Variants in TRIM52 observed in about 807,000 individuals in gnomAD.
TRIM52 encodes the protein tripartite motif containing 52.
Under a neutral mutation model 27.0 loss-of-function variants are expected in TRIM52, and 24 were observed. The observed-to-expected ratio is 0.89, with a 90% CI of 0.64 to 1.25. The LOEUF (loss-of-function observed/expected upper bound fraction) is 1.25, where lower values mean the gene tolerates loss of function less well. TRIM52 is among the 50% of genes most tolerant of loss of function. TRIM52 has a pLI of 0.00. For missense variants in TRIM52, 351 were observed against 354.7 expected (o/e 0.99, Z 0.08); for synonymous variants, 125 against 126.5 (o/e 0.99, Z 0.08).
At chr5:181,257,567 TAAAC>T (rs975870100) in intron 1 of TRIM52, 1 of 1,225,396 alleles carries the variant, frequency 8.2e-7, no homozygotes, top group African/African-American at 1.5e-5. Flanking sequence ...CTGTATTAAA[TAAAC>T]CATTATACAA....
At chr5:181,259,532 C>G (rs1442011490) in intron 1 of TRIM52, 2 of 200,176 alleles carry the variant, frequency 1.0e-5, no homozygotes, top group Non-Finnish European at 2.1e-5. Flanking sequence ...GTTTAGGACT[C>G]ACATCTGGCA....
Position 181,256,693 on chromosome 5 carries a change from T to G in TRIM52, c.*116A>C. 1 of 677,502 alleles carries G rather than the reference T, an allele frequency of 1.5e-6. No homozygotes were observed. The allele number at this position is 677,502 out of a possible 1,614,324, so 42.0% of individuals were successfully genotyped here. A position where few individuals can be genotyped will look rare whatever the true frequency, so the allele number is the denominator to read the frequency against. Reference sequence around the variant, plus strand: ...TGTTTAATATTAAGCTTTCACGGCTTGGAAGATTCCTGTGAATATTTCAAT... The same window carrying G: ...TGTTTAATATTAAGCTTTCACGGCTGGGAAGATTCCTGTGAATATTTCAAT... On this transcript the variant is annotated 3_prime_UTR_variant, in exon 2 of 2. Coordinates refer to ENST00000688015, the MANE Select transcript of TRIM52 (RefSeq NM_001346048.2).
chr5:181,261,105 G>A lies in TRIM52; in HGVS notation c.-292C>T, dbSNP rs909387704. On this transcript the variant is annotated 5_prime_UTR_variant, in exon 1 of 2. Transcript: ENST00000688015. Reference sequence around the variant, plus strand: ...GGGTGTGCCCTACACTGCGGCGTCCGCCTCAGATGCAGCCGCTGGCTACCC... The same window carrying A: ...GGGTGTGCCCTACACTGCGGCGTCCACCTCAGATGCAGCCGCTGGCTACCC... The A allele has an allele frequency of 6.9e-5, 24 of 345,358 alleles. No individual in the cohort carries two copies. The highest frequency in any genetic ancestry group is 1.1e-4 in the Non-Finnish European group (21 of 188,888). The allele number at this position is 345,358 out of a possible 1,614,324, so 21.4% of individuals were successfully genotyped here.
downstream of TRIM52, among the ~76,000 whole-genome samples, chr5:181,249,998 G>A (rs1032985260): frequency 6.6e-6 from 1 of 151,638 alleles, no homozygotes; most frequent in Non-Finnish European, 1.5e-5. Context: ...TGTCTTTTTT[G>A]GTAGAGACAG....
chr5:181,259,742 G>C (rs1331468705), intron 1 of TRIM52: 2 of 632,784 alleles, frequency 3.2e-6, no homozygotes, highest in East Asian at 6.2e-5. Flanking sequence ...AGTATTAGCA[G>C]TAGTGGTCCG....
rs2113255589 is a variant in TRIM52, at chr5:181,260,094, C to T, written c.720G>A (p.Val240=). The part of the protein sequence containing the change: ...HQEALKLFCE[V]DKEAICVVCR... Reference sequence around the variant, plus strand: ...ACACCACACAGATGGCCTCTTTGTCCACCTCACAGAAGAGTTTCAGGGCTT... The same window carrying T: ...ACACCACACAGATGGCCTCTTTGTCTACCTCACAGAAGAGTTTCAGGGCTT... Residue 240 remains valine, a synonymous_variant, in exon 1 of 2, where the codon GTG becomes GTA. Transcript: ENST00000688015. This position sits in a 1 kb window ranked among gnomAD's most constrained non-coding sequence, Gnocchi z 4.4. The T allele has an allele frequency of 1.9e-6, 3 of 1,614,210 alleles. No homozygotes were observed. In the East Asian group the frequency reaches 6.7e-5, roughly 36 times the overall value.
At chr5:181,253,854 C>G (rs1759690636), downstream of TRIM52, among the ~76,000 whole-genome samples, 1 of 142,474 alleles carries the variant, frequency 7.0e-6, no homozygotes. Flanking sequence ...ATTAGCTGCA[C>G]TATAGTCCTT....
At position 181,260,548 on chromosome 5, in the gene TRIM52, C is replaced by T. The variant is rs1178615515; in HGVS notation, c.266G>A (p.Gly89Glu). ...TTGGAACAACTCTTCGTCAGCATTC[C>T]CCCGATACAACACCTCTCGAATGGA... Reference protein sequence around the residue: ...DGSIREVLYRGNADEELFQDQ... With the variant: ...DGSIREVLYRENADEELFQDQ... Residue 89 changes from glycine (G) to glutamate (E), a missense_variant, in exon 1 of 2, where the codon GGG becomes GAG. Physicochemically the swap from Gly to Glu is moderately conservative, Grantham distance 98. Coordinates refer to ENST00000688015, the MANE Select transcript of TRIM52 (RefSeq NM_001346048.2). The surrounding 1 kb of genome is among the most constrained non-coding windows in gnomAD (Gnocchi z 4.4). 6.2e-7 allele frequency: 1 copy of T among 1,613,872 alleles called. No homozygotes were observed. The highest frequency in any genetic ancestry group is 2.2e-5 in the East Asian group (1 of 44,886).
In TRIM52 at chr5:181,260,255, G is replaced by C; in HGVS notation, c.559C>G (p.Arg187Gly). 1.2e-6 allele frequency: 2 copies of C among 1,614,200 alleles called. No homozygotes were observed. Among genetic ancestry groups the C allele is most frequent in the African/African-American group, 2.7e-5 (2 of 75,042 alleles). The part of the protein sequence containing the change: ...LPGQFTCPQC[R>G]KSFTRRSFRP... ...AAGCTGCGACGTGTAAAGCTCTTTC[G>C]GCACTGGGGGCAGGTGAACTGCCCT... Residue 187 changes from arginine to glycine, a missense_variant, in exon 1 of 2, where the codon CGA becomes GGA. Physicochemically the swap from Arg to Gly is moderately radical, Grantham distance 125 (BLOSUM62 -2). Coordinates refer to ENST00000688015, the MANE Select transcript of TRIM52 (RefSeq NM_001346048.2). The surrounding 1 kb of genome is among the most constrained non-coding windows in gnomAD (Gnocchi z 4.4).
At chr5:181,254,388 C>T (rs1759702912), downstream of TRIM52, 1 of 113,230 alleles carries the variant, frequency 8.8e-6, no homozygotes, top group Non-Finnish European at 1.6e-5. Context: ...TTGTTGTTTC[C>T]CCCGCAGACA....
At chr5:181,259,952 G>A (rs1759957525) in intron 1 of TRIM52, 49 bp downstream of exon 1, 1 of 1,611,892 alleles carries the variant, frequency 6.2e-7, no homozygotes, top group African/African-American at 1.3e-5. Context: ...AGCTCTCCTA[G>A]TTACCTTTCC....
At chr5:181,254,107 G>A (rs573666050), downstream of TRIM52, among the ~76,000 whole-genome samples, 43 of 141,110 alleles carry the variant, frequency 3.0e-4, 1 homozygote, top group Non-Finnish European at 5.5e-4. Flanking sequence ...TGACTAACAC[G>A]GTGAAACCCT....
At chr5:181,252,650 T>A (rs1233046195), downstream of TRIM52, among the ~76,000 whole-genome samples, 1 of 152,230 alleles carries the variant, frequency 6.6e-6, no homozygotes, top group African/African-American at 2.4e-5. Flanking sequence ...ACAAGTCTTA[T>A]AGGAGTTTCA....
In TRIM52 at chr5:181,260,354, G is replaced by GT; in HGVS notation, c.459dup (p.Leu154ThrfsTer6). On this transcript the variant is annotated frameshift_variant, in exon 1 of 2. Transcript: ENST00000688015. LOFTEE classifies it high-confidence loss of function. This position sits in a 1 kb window ranked among gnomAD's most constrained non-coding sequence, Gnocchi z 4.4. Reference sequence around the variant, plus strand: ...TCTTCGTCCTCATCGTATGCTTCCAGTATTTCTTCTTCTCGGTAGACATCA... The same window carrying GT: ...TCTTCGTCCTCATCGTATGCTTCCAGTTATTTCTTCTTCTCGGTAGACATCA... 6.2e-7 allele frequency: 1 copy of GT among 1,614,120 alleles called. No homozygotes were observed. The highest frequency in any genetic ancestry group is 8.5e-7 in the Non-Finnish European group (1 of 1,180,022).
chr5:181,257,198 A>C, intron 1 of TRIM52: 1 of 1,233,660 alleles, frequency 8.1e-7, no homozygotes, highest in Non-Finnish European at 1.0e-6. Flanking sequence ...TTGCAGAGTC[A>C]AGACGAACTC....
rs1759994890 is a variant in TRIM52 at position 181,260,360 on chromosome 5, C to A, written c.454G>T (p.Glu152Ter). ...DLRIDVYREE[E>*]ILEAYDEDED... ...TCCTCATCGTATGCTTCCAGTATTT[C>A]TTCTTCTCGGTAGACATCAATTCTC... Residue 152 changes from glutamate (E) to a stop codon, truncating the protein, a stop_gained, in exon 1 of 2, where the codon GAA becomes TAA. Coordinates refer to ENST00000688015, the MANE Select transcript of TRIM52 (RefSeq NM_001346048.2). LOFTEE classifies it high-confidence loss of function. The surrounding 1 kb of genome is among the most constrained non-coding windows in gnomAD (Gnocchi z 4.4). 1 of 1,614,052 alleles carries A rather than the reference C, an allele frequency of 6.2e-7. No homozygotes were observed. Among genetic ancestry groups the A allele is most frequent in the Non-Finnish European group, 8.5e-7 (1 of 1,180,014 alleles).
chr5:181,257,409 A>G (rs756106895), intron 1 of TRIM52: 2 of 1,601,684 alleles, frequency 1.2e-6, no homozygotes, highest in Admixed American at 3.4e-5. Context: ...AACTTTTCAC[A>G]CATCTTACTG....
intron 1 of TRIM52, chr5:181,259,653 T>C (rs1759943372): frequency 2.8e-6 from 1 of 362,610 alleles, no homozygotes; most frequent in Non-Finnish European, 5.2e-6. Context: ...TCCCAGGGAA[T>C]TGGTCAAGGA....
chr5:181,253,492 C>T (rs1269634488), downstream of TRIM52, among the ~76,000 whole-genome samples: 1 of 142,962 alleles, frequency 7.0e-6, no homozygotes, highest in Non-Finnish European at 1.5e-5. Context: ...ATCAGTGGTT[C>T]TCAACTGGGG....
Sources: allele counts gnomAD v4.1 joint callset (sites outside exome capture counted in the v4.1 genomes callset), GRCh38; gene constraint gnomAD v4.1.1; non-coding constraint Gnocchi (gnomAD v3.1); transcripts MANE v1.5; gene names NCBI Gene and HGNC (gene_info 2026-07-23, HGNC 2026-07-21).